The following HCN1 variants were observed in gnomAD, a reference collection of about 807,000 sequenced individuals.
HCN1 encodes the protein potassium/sodium hyperpolarization-activated cyclic nucleotide-gated channel 1.
In HCN1, 13 loss-of-function variants were observed where a neutral mutation model predicts 78.9. The ratio of observed to expected loss-of-function variants is 0.16; its 90% CI spans 0.11 to 0.26. HCN1 has a LOEUF of 0.26. Ranked by LOEUF, HCN1 falls within the 10% of genes least tolerant of loss-of-function variation. The pLI is 1.00. For missense variants in HCN1, 810 were observed against 1,154.3 expected, an observed-to-expected ratio of 0.70 and a Z score of 4.32; for synonymous variants, 552 against 455.5, an observed-to-expected ratio of 1.21 and a Z score of -2.70.
At chr5:45,500,550 G>C (rs980219576) in intron 2 of HCN1, among the ~76,000 whole-genome samples, 4 of 152,146 alleles carry the variant, frequency 2.6e-5, no homozygotes, top group Non-Finnish European at 5.9e-5. Context: ...AGATCTGGTA[G>C]AACTAATTGG....
intron 7 of HCN1, among the ~76,000 whole-genome samples, chr5:45,266,704 ATTTTTTT>A (rs113257713): frequency 7.3e-5 from 10 of 136,638 alleles, no homozygotes; most frequent in African/African-American, 2.2e-4. Context: ...GGCATGTGGG[ATTTTTTT>A]TTTTTTTTTT....
At chr5:45,316,612 G>C (rs536203808) in intron 5 of HCN1, among the ~76,000 whole-genome samples, 1 of 152,172 alleles carries the variant, frequency 6.6e-6, no homozygotes, top group African/African-American at 2.4e-5. Context: ...TACAAAAAGA[G>C]GAAGTCAAAT....
chr5:45,492,197 C>T (rs1348766241), intron 2 of HCN1, among the ~76,000 whole-genome samples: 1 of 151,324 alleles, frequency 6.6e-6, no homozygotes, highest in East Asian at 1.9e-4. Context: ...TAGAAGAAAC[C>T]CTTCAGTACA....
At chr5:45,538,487 C>A (rs928534636) in intron 2 of HCN1, among the ~76,000 whole-genome samples, 2 of 152,128 alleles carry the variant, frequency 1.3e-5, no homozygotes, top group African/African-American at 2.4e-5. Context: ...TTAGGAAATG[C>A]AATTTCGTGA....
At chr5:45,583,120 C>T (rs1744121461) in intron 2 of HCN1, among the ~76,000 whole-genome samples, 1 of 151,896 alleles carries the variant, frequency 6.6e-6, no homozygotes, top group Admixed American at 6.6e-5. Flanking sequence ...CTCCTTGTAC[C>T]TCTGGTAGAA....
At chr5:45,524,468 T>C (rs376985596) in intron 2 of HCN1, among the ~76,000 whole-genome samples, 12 of 152,240 alleles carry the variant, frequency 7.9e-5, no homozygotes, top group Admixed American at 3.9e-4. Flanking sequence ...GCCATTTTCA[T>C]GATATTGATT....
chr5:45,326,893 G>A (rs761842990), intron 5 of HCN1, among the ~76,000 whole-genome samples: 10 of 151,580 alleles, frequency 6.6e-5, no homozygotes, highest in Admixed American at 1.3e-4. Context: ...ATACTGTTCT[G>A]TTAAGGTACC....
intron 6 of HCN1, among the ~76,000 whole-genome samples, chr5:45,290,357 C>T (rs530023202): frequency 2.0e-5 from 3 of 152,134 alleles, no homozygotes; most frequent in South Asian, 4.1e-4. Flanking sequence ...GACCTAATTA[C>T]CTTCCAGAGG....
intron 3 of HCN1, among the ~76,000 whole-genome samples, chr5:45,411,399 A>G (rs898104973): frequency 6.6e-6 from 1 of 151,728 alleles, no homozygotes; most frequent in African/African-American, 2.4e-5. Context: ...GACTAAACCA[A>G]TGGTGATTCA....
chr5:45,518,899 A>T (rs566207958), intron 2 of HCN1, among the ~76,000 whole-genome samples: 1 of 152,102 alleles, frequency 6.6e-6, no homozygotes, highest in South Asian at 2.1e-4. Context: ...AAATGCCTTC[A>T]TATAAGATCT....
rs1212611466 is a variant in HCN1, at chr5:45,417,751, C to CAA, written c.1012-21043_1012-21042dup. ...CCAGGGTCTCATTAGTGTAGAGAGA[C>CAA]AAAAAAAAAAAAAAAAAAAAAAAAA... On this transcript the variant is annotated intron_variant, in intron 3 of 7. Coordinates refer to ENST00000303230, the MANE Select transcript of HCN1 (RefSeq NM_021072.4). 9.1e-3 allele frequency among the ~76,000 whole-genome samples: 134 copies of CAA among 14,790 alleles called. 19 individuals are homozygous for CAA. Among genetic ancestry groups the CAA allele is most frequent in the African/African-American group, 0.018 (94 of 5,262 alleles). 9.7% of individuals were successfully genotyped at this position (14,790 alleles called of 152,430 possible).
At chr5:45,308,754 T>A (rs1407617195) in intron 5 of HCN1, among the ~76,000 whole-genome samples, 1 of 152,172 alleles carries the variant, frequency 6.6e-6, no homozygotes, top group Admixed American at 6.5e-5. Context: ...TACCATGCTG[T>A]TTTGGTTACT....
At chr5:45,548,223 C>A (rs902481219) in intron 2 of HCN1, among the ~76,000 whole-genome samples, 4 of 151,648 alleles carry the variant, frequency 2.6e-5, no homozygotes, top group East Asian at 1.9e-4. Flanking sequence ...TTAAAAAAAA[C>A]ACATACTTTC....
At chr5:45,561,469 G>T (rs1275817822) in intron 2 of HCN1, among the ~76,000 whole-genome samples, 1 of 151,830 alleles carries the variant, frequency 6.6e-6, no homozygotes, top group African/African-American at 2.4e-5. Context: ...AAAATATTTT[G>T]TAAATCAGAC....
At chr5:45,614,695 T>A (rs956126973) in intron 2 of HCN1, among the ~76,000 whole-genome samples, 2 of 152,094 alleles carry the variant, frequency 1.3e-5, no homozygotes, top group African/African-American at 4.8e-5. Context: ...TTAAATCGTT[T>A]TAATACTAAA....
intron 2 of HCN1, among the ~76,000 whole-genome samples, chr5:45,601,892 C>T (rs968310515): frequency 1.3e-5 from 2 of 152,070 alleles, no homozygotes; most frequent in African/African-American, 4.8e-5. Context: ...ACCCAAATCT[C>T]ATCTTGAATT....
intron 2 of HCN1, among the ~76,000 whole-genome samples, chr5:45,509,217 C>T (rs373953383): frequency 3.9e-5 from 6 of 152,090 alleles, no homozygotes; most frequent in East Asian, 1.9e-4. Flanking sequence ...CATAGCAGAG[C>T]GGAGAGATTG....
At chr5:45,380,007 C>A (rs1747771169) in intron 4 of HCN1, among the ~76,000 whole-genome samples, 1 of 151,996 alleles carries the variant, frequency 6.6e-6, no homozygotes, top group African/African-American at 2.4e-5. Flanking sequence ...TAAGAGAGAA[C>A]TTGAGGAACA....
At chr5:45,309,978 G>C (rs982503003) in intron 5 of HCN1, among the ~76,000 whole-genome samples, 3 of 152,046 alleles carry the variant, frequency 2.0e-5, no homozygotes, top group Admixed American at 6.6e-5. Context: ...GAATTCAGCT[G>C]TGAATCCATC....
Sources: allele counts gnomAD v4.1 joint callset (sites outside exome capture counted in the v4.1 genomes callset), GRCh38; gene constraint gnomAD v4.1.1; transcripts MANE v1.5; gene names NCBI Gene and HGNC (gene_info 2026-07-23, HGNC 2026-07-21).